ZFPM2: variants seen among roughly 807,000 people sequenced by gnomAD.
The protein encoded by ZFPM2 is zinc finger protein, FOG family member 2.
Under a neutral mutation model 98.6 loss-of-function variants are expected in ZFPM2, and 20 were observed. That is an observed-to-expected ratio of 0.20 (90% confidence interval 0.14 to 0.29). ZFPM2 has a LOEUF of 0.29. Among genes scored for constraint, ZFPM2 ranks in the 10% least tolerant of loss-of-function variants. The pLI, the probability that ZFPM2 is intolerant of heterozygous loss-of-function variation, is 1.00. For missense variants in ZFPM2, 1,310 were observed against 1,388.6 expected, an observed-to-expected ratio of 0.94 and a Z score of 0.90; for synonymous variants, 518 against 502.7, an observed-to-expected ratio of 1.03 and a Z score of -0.41.
At chr8:105,709,992 A>C (rs1811343493) in intron 5 of ZFPM2, among the ~76,000 whole-genome samples, 1 of 152,096 alleles carries the variant, frequency 6.6e-6, no homozygotes, top group African/African-American at 2.4e-5. Context: ...AGTCTGCTTA[A>C]TTCTTGGTAA....
intron 5 of ZFPM2, among the ~76,000 whole-genome samples, chr8:105,721,511 C>CT (rs34323256): frequency 2.0e-5 from 3 of 151,744 alleles, no homozygotes; most frequent in Admixed American, 6.6e-5. Context: ...TATCAAATCA[C>CT]TTTTTTTAAA....
chr8:105,454,651 A>G (rs1417311484), intron 3 of ZFPM2, among the ~76,000 whole-genome samples: 1 of 152,232 alleles, frequency 6.6e-6, no homozygotes, highest in African/African-American at 2.4e-5. Flanking sequence ...GATTTGCAAA[A>G]TGCTGGTTTT....
chr8:105,386,598 C>T, intron 1 of ZFPM2, among the ~76,000 whole-genome samples: 1 of 152,108 alleles, frequency 6.6e-6, no homozygotes, highest in South Asian at 2.1e-4. Flanking sequence ...CTCATAAAGA[C>T]AGTGTGGACC....
chr8:105,423,852 C>A (rs538950321), intron 2 of ZFPM2, among the ~76,000 whole-genome samples: 2 of 152,082 alleles, frequency 1.3e-5, no homozygotes, highest in Admixed American at 1.3e-4. Context: ...GTGGGATTGG[C>A]GTGGAGCAGT....
chr8:105,696,058 A>G (rs1313673958), intron 5 of ZFPM2, among the ~76,000 whole-genome samples: 2 of 152,204 alleles, frequency 1.3e-5, no homozygotes, highest in African/African-American at 4.8e-5. Context: ...CATCTCTAAC[A>G]GTGCAATATT....
intron 1 of ZFPM2, among the ~76,000 whole-genome samples, chr8:105,335,054 T>G (rs1379663898): frequency 1.3e-5 from 2 of 151,804 alleles, no homozygotes; most frequent in Non-Finnish European, 2.9e-5. Context: ...CTGATAATTA[T>G]GACAGAGTGG....
chr8:105,599,423 TC>T (rs1816045307), intron 4 of ZFPM2, among the ~76,000 whole-genome samples: 1 of 151,082 alleles, frequency 6.6e-6, no homozygotes, highest in Non-Finnish European at 1.5e-5. Flanking sequence ...GCTGTGGTGT[TC>T]CCTAAGGGTT....
At chr8:105,693,944 T>C (rs1247969492) in intron 5 of ZFPM2, among the ~76,000 whole-genome samples, 2 of 151,534 alleles carry the variant, frequency 1.3e-5, no homozygotes, top group East Asian at 3.9e-4. Flanking sequence ...ATATACAATA[T>C]ATTATCCAAA....
intron 3 of ZFPM2, among the ~76,000 whole-genome samples, chr8:105,450,067 G>C (rs1473141660): frequency 6.6e-6 from 1 of 151,992 alleles, no homozygotes; most frequent in African/African-American, 2.4e-5. Context: ...TAAATGTCTA[G>C]GGCAAAATCA....
At chr8:105,382,921 T>C (rs1252380659) in intron 1 of ZFPM2, among the ~76,000 whole-genome samples, 3 of 152,116 alleles carry the variant, frequency 2.0e-5, no homozygotes, top group East Asian at 3.9e-4. Flanking sequence ...GTGTAGAATA[T>C]AGTAAATGAT....
intron 5 of ZFPM2, among the ~76,000 whole-genome samples, chr8:105,730,100 T>C (rs558637005): frequency 2.0e-5 from 3 of 151,688 alleles, no homozygotes; most frequent in African/African-American, 7.2e-5. Flanking sequence ...ACCCTGAGAA[T>C]AGAGAAGTGT....
At position 105,532,639 on chromosome 8, in the gene ZFPM2, A is replaced by G. The variant is rs752511990; in HGVS notation, c.302-28724A>G. Among the ~76,000 whole-genome samples the G allele has an allele frequency of 6.5e-4, 99 of 152,154 alleles. 1 individual carries two copies. Among genetic ancestry groups the G allele is most frequent in the Non-Finnish European group, 1.1e-3 (74 of 68,036 alleles). Reference sequence around the variant, plus strand: ...GCCTCATACATAATTATTTGGGTCAACTTTCTTTTGGAATAAAAAAGATGC... The same window carrying G: ...GCCTCATACATAATTATTTGGGTCAGCTTTCTTTTGGAATAAAAAAGATGC... On this transcript the variant is annotated intron_variant, in intron 3 of 7. Transcript: ENST00000407775.
intron 4 of ZFPM2, among the ~76,000 whole-genome samples, chr8:105,576,803 A>G (rs547412229): frequency 2.0e-5 from 3 of 152,304 alleles, no homozygotes; most frequent in Admixed American, 2.0e-4. Flanking sequence ...CAAGCAAAAC[A>G]GTTGGCTATT....
At chr8:105,464,034 G>A (rs1158959736) in intron 3 of ZFPM2, among the ~76,000 whole-genome samples, 2 of 152,054 alleles carry the variant, frequency 1.3e-5, no homozygotes, top group East Asian at 3.9e-4. Flanking sequence ...GGGCTTCGCA[G>A]TTTTGCAGAA....
At chr8:105,495,162 G>C (rs920459847) in intron 3 of ZFPM2, among the ~76,000 whole-genome samples, 1 of 152,088 alleles carries the variant, frequency 6.6e-6, no homozygotes, top group African/African-American at 2.4e-5. Context: ...TCAAAGCCTT[G>C]AACATCTTGT....
intron 1 of ZFPM2, among the ~76,000 whole-genome samples, chr8:105,324,943 C>T (rs1812088459): frequency 1.3e-5 from 2 of 151,780 alleles, no homozygotes; most frequent in African/African-American, 4.8e-5. Flanking sequence ...AAGTAGCTTC[C>T]TTTCTTAAAT....
intron 1 of ZFPM2, among the ~76,000 whole-genome samples, chr8:105,334,522 T>G (rs928798925): frequency 1.3e-5 from 2 of 151,698 alleles, no homozygotes; most frequent in Non-Finnish European, 3.0e-5. Context: ...ATTTCTCTAC[T>G]CTCAGCAGCA....
At chr8:105,581,843 G>T (rs1204049756) in intron 4 of ZFPM2, among the ~76,000 whole-genome samples, 1 of 152,056 alleles carries the variant, frequency 6.6e-6, no homozygotes, top group Non-Finnish European at 1.5e-5. Context: ...CTTGTGCCTG[G>T]CTCTATTAAT....
intron 1 of ZFPM2, among the ~76,000 whole-genome samples, chr8:105,354,584 T>C (rs1246521065): frequency 6.6e-6 from 1 of 152,176 alleles, no homozygotes; most frequent in African/African-American, 2.4e-5. Context: ...ATCTGTATGT[T>C]CAAAGAGGAT....
Sources: allele counts gnomAD v4.1 joint callset (sites outside exome capture counted in the v4.1 genomes callset), GRCh38; gene constraint gnomAD v4.1.1; transcripts MANE v1.5; gene names NCBI Gene and HGNC (gene_info 2026-07-23, HGNC 2026-07-21).